Variants in AIPL1 observed in about 807,000 individuals in gnomAD.
AIPL1 encodes AIP like 1 HSP90 co-chaperone.
Under a neutral mutation model 32.9 loss-of-function variants are expected in AIPL1, and 23 were observed. That is an observed-to-expected ratio of 0.70 (90% CI 0.50 to 0.99). The LOEUF is 0.99. Ranked by LOEUF, AIPL1 falls within the 50% of genes least tolerant of loss-of-function variation. AIPL1 has a pLI of 0.00. For missense variants in AIPL1, 485 were observed against 506.0 expected (o/e 0.96, Z 0.40); for synonymous variants, 210 against 209.4 (o/e 1.00, Z -0.02).
At position 6,425,586 on chromosome 17, in the gene AIPL1, G is replaced by C. The variant is rs1911839985; in HGVS notation, c.1029C>G (p.Pro343=). The C allele has an allele frequency of 1.9e-6, 3 of 1,613,166 alleles. No individual in the cohort carries two copies. The highest frequency in any genetic ancestry group is 1.7e-6 in the Non-Finnish European group (2 of 1,179,772). The change falls in exon 6 of 6, where the codon CCC becomes CCG. Residue 343 remains proline (P), a synonymous_variant. Coordinates refer to ENST00000381129, the MANE Select transcript of AIPL1 (RefSeq NM_014336.5). ...CAGGTGGCTCTGTGGATGACTGTGC[G>C]GGTGGCTCTGTGGGTGGCTCTGCGG... ...QPPAEPPTEP[P]AQSSTEPPAE... is the part of the protein sequence containing the mutation.
intron 3 of AIPL1, 144 bp downstream of exon 3, chr17:6,428,174 C>T (rs1232452461): frequency 2.1e-6 from 2 of 952,314 alleles, no homozygotes; most frequent in Non-Finnish European, 3.2e-6. Flanking sequence ...AATTCGTATT[C>T]TCCCATGGCT....
chr17:6,425,656 C>T lies in AIPL1; in HGVS notation c.959G>A (p.Arg320Gln), dbSNP rs751257110. Reference sequence around the variant, plus strand: ...GCTCAGCATGTTCCGGCAGCGCAGCCGCTCCTCCTCCTGCTTCTCCGCCAT... The same window carrying T: ...GCTCAGCATGTTCCGGCAGCGCAGCTGCTCCTCCTCCTGCTTCTCCGCCAT... The part of the protein sequence containing the change: ...NRMAEKQEEE[R>Q]LRCRNMLSQG... The change falls in exon 6 of 6, where the codon CGG (arginine) becomes CAG (glutamine). Residue 320 changes from arginine to glutamine, a missense_variant. By Grantham distance (43) the Arg-to-Gln change is conservative. Transcript: ENST00000381129. The T allele has an allele frequency of 5.6e-6, 9 of 1,611,390 alleles. No individual in the cohort carries two copies. In the East Asian group the frequency reaches 1.1e-4, roughly 20 times the overall value.
rs1911672765 is a variant in AIPL1, at chr17:6,424,011, C to T, written c.*1449G>A. 1 of 152,268 alleles carries T rather than the reference C, an allele frequency of 6.6e-6. No homozygotes were observed. The highest frequency in any genetic ancestry group is 1.5e-5 in the Non-Finnish European group (1 of 68,084). The allele number at this position is 152,268 out of a possible 1,614,324, so 9.4% of individuals were successfully genotyped here. A position where few individuals can be genotyped will look rare whatever the true frequency, so the allele number is the denominator to read the frequency against. ...TACTTCGTCGCCCCCCTGCCCCACC[C>T]CACACACCTGGGTGGTGCTAGAGGA... On this transcript the variant is annotated 3_prime_UTR_variant, in exon 6 of 6. Coordinates refer to ENST00000381129, the MANE Select transcript of AIPL1 (RefSeq NM_014336.5).
chr17:6,425,447 G>C lies in AIPL1; in HGVS notation c.*13C>G, dbSNP rs750694597. 3.8e-6 allele frequency: 6 copies of C among 1,575,334 alleles called. No individual in the cohort carries two copies. In the South Asian group the frequency reaches 6.7e-5, roughly 18 times the overall value. ...CTTGCTCCCTGCCTGGGTGGCTGTG[G>C]GCCTCAGGGGGCTCAGTGCTGCAGC... is the stretch of plus-strand genomic sequence containing the variant. On this transcript the variant is annotated 3_prime_UTR_variant, in exon 6 of 6. Transcript: ENST00000381129.
In AIPL1 at chr17:6,425,775, C is replaced by T; in HGVS notation, c.840G>A (p.Glu280=). ...RARAHAEVWN[E]AEAKADLQKV... ...TCTGGAGGTCCGCCTTGGCCTCGGC[C>T]TCATTCCACACCTCTGCGTGAGCCC... The change falls in exon 6 of 6, where the codon GAG becomes GAA. Residue 280 remains glutamate, a synonymous_variant. Coordinates refer to ENST00000381129, the MANE Select transcript of AIPL1 (RefSeq NM_014336.5). 1.2e-6 allele frequency: 2 copies of T among 1,606,680 alleles called. No homozygotes were observed. Among genetic ancestry groups the T allele is most frequent in the Non-Finnish European group, 8.5e-7 (1 of 1,179,982 alleles).
At chr17:6,430,472 A>AC (rs1912492672) in intron 2 of AIPL1, among the ~76,000 whole-genome samples, 1 of 151,152 alleles carries the variant, frequency 6.6e-6, no homozygotes, top group Non-Finnish European at 1.5e-5. Context: ...AAAAAAAAAA[A>AC]AAAAAAAACA....
intron 2 of AIPL1, among the ~76,000 whole-genome samples, chr17:6,430,346 C>T (rs781369056): frequency 1.3e-5 from 2 of 149,806 alleles, no homozygotes; most frequent in Non-Finnish European, 1.5e-5. Flanking sequence ...ATTCCAGCTA[C>T]TCAGGAGGCT....
chr17:6,432,779 T>C (rs939588891), intron 2 of AIPL1, among the ~76,000 whole-genome samples: 3 of 152,214 alleles, frequency 2.0e-5, no homozygotes, highest in South Asian at 4.2e-4. Context: ...TACAGGCATG[T>C]GCCACCACGC....
chr17:6,426,342 A>T, intron 5 of AIPL1: 2 of 1,401,530 alleles, frequency 1.4e-6, no homozygotes, highest in Non-Finnish European at 1.9e-6. Context: ...CCTCTTTTTT[A>T]AACGCCTGTT....
At chr17:6,433,030 C>T (rs1912763200) in intron 2 of AIPL1, among the ~76,000 whole-genome samples, 1 of 152,148 alleles carries the variant, frequency 6.6e-6, no homozygotes, top group Admixed American at 6.5e-5. Context: ...AGACCAGCCG[C>T]GGGTTGATGG....
Position 6,433,976 on chromosome 17 carries a change from C to G in AIPL1, c.219G>C (p.Glu73Asp). Residue 73 changes from glutamate to aspartate, a missense_variant, in exon 2 of 6, where the codon GAG becomes GAC. Coordinates refer to ENST00000381129, the MANE Select transcript of AIPL1 (RefSeq NM_014336.5). ...IGNMFKLEVW[E>D]ILLTSMRVHE... is the part of the protein sequence containing the mutation. ...GCACCCGCATGGAGGTAAGCAGGAT[C>G]TCCCAGACCTCGAGCTTGAACATGT... 1.2e-6 allele frequency: 2 copies of G among 1,613,956 alleles called. No individual in the cohort carries two copies. Among genetic ancestry groups the G allele is most frequent in the Non-Finnish European group, 8.5e-7 (1 of 1,179,992 alleles).
intron 2 of AIPL1, among the ~76,000 whole-genome samples, chr17:6,433,296 G>A (rs1168894188): frequency 6.6e-6 from 1 of 152,196 alleles, no homozygotes; most frequent in Non-Finnish European, 1.5e-5. Flanking sequence ...TAATCATGCT[G>A]TATAAAAAGC....
chr17:6,427,520 A>T (rs1912116866), intron 3 of AIPL1, among the ~76,000 whole-genome samples: 1 of 152,188 alleles, frequency 6.6e-6, no homozygotes, highest in South Asian at 2.1e-4. Flanking sequence ...TCTCAGGCTG[A>T]GCCTCAGTCT....
chr17:6,425,978 C>T (rs1025059113), intron 5 of AIPL1, 148 bp from the exon 6 acceptor site: 11 of 1,177,444 alleles, frequency 9.3e-6, no homozygotes, highest in Non-Finnish European at 1.3e-5. Flanking sequence ...GTTTCCTCAA[C>T]TGTAAGATGG....
intron 2 of AIPL1, among the ~76,000 whole-genome samples, chr17:6,432,961 G>A (rs1025580659): frequency 6.6e-6 from 1 of 152,176 alleles, no homozygotes; most frequent in African/African-American, 2.4e-5. Context: ...ATGGTGTCTG[G>A]CATTTGGTTT....
chr17:6,431,625 C>T (rs1287427503), intron 2 of AIPL1, among the ~76,000 whole-genome samples: 1 of 152,272 alleles, frequency 6.6e-6, no homozygotes, highest in African/African-American at 2.4e-5. Flanking sequence ...GACGGGACTA[C>T]CCCAGGTCAC....
intron 1 of AIPL1, 80 bp from the exon 2 acceptor site, chr17:6,434,178 C>G (rs1334652740): frequency 6.6e-7 from 1 of 1,508,006 alleles, no homozygotes; most frequent in African/African-American, 1.4e-5. Context: ...CACCGACACC[C>G]AGGGCTGTCC....
At position 6,426,962 on chromosome 17, in the gene AIPL1, C is replaced by A; in HGVS notation, c.561G>T (p.Arg187=). The A allele has an allele frequency of 4.3e-6, 7 of 1,614,206 alleles. No individual in the cohort carries two copies. Among genetic ancestry groups the A allele is most frequent in the Non-Finnish European group, 5.9e-6 (7 of 1,180,044 alleles). The change falls in exon 4 of 6, where the codon CGG becomes CGT. Residue 187 remains arginine, a synonymous_variant. Coordinates refer to ENST00000381129, the MANE Select transcript of AIPL1 (RefSeq NM_014336.5). ...AVPVLHGEGN[R]LFKLGRYEEA... The stretch of plus-strand genomic sequence containing the variant: ...CCTCGTAGCGGCCCAGCTTGAAGAG[C>A]CGATTTCCCTCTCCGTGGAGGACGG...
At position 6,425,200 on chromosome 17, in the gene AIPL1, C is replaced by T; in HGVS notation, c.*260G>A. The T allele has an allele frequency of 2.5e-6, 1 of 398,946 alleles. No individual in the cohort carries two copies. Among genetic ancestry groups the T allele is most frequent in the Non-Finnish European group, 4.4e-6 (1 of 226,328 alleles). 24.7% of individuals were successfully genotyped at this position (398,946 alleles called of 1,614,324 possible). ...GATTACTTGGAAATAGAGAAAACTA[C>T]CAGAAGAATTAAAAACAGGGTCAAT... On this transcript the variant is annotated 3_prime_UTR_variant, in exon 6 of 6. Coordinates refer to ENST00000381129, the MANE Select transcript of AIPL1 (RefSeq NM_014336.5).
Sources: gnomAD v4.1 joint callset for allele counts (sites outside exome capture counted in the v4.1 genomes callset) on GRCh38, gnomAD v4.1.1 for gene constraint, MANE v1.5 for transcripts, NCBI Gene and HGNC (gene_info 2026-07-23, HGNC 2026-07-21) for gene names.